Variants in GOSR1 observed in about 807,000 individuals in gnomAD.
GOSR1 encodes the protein 28 kDa Golgi SNARE protein.
GOSR1 carries 21 observed loss-of-function variants against 35.5 expected under a neutral mutation model. That is an observed-to-expected ratio of 0.59 (90% CI 0.42 to 0.85). The LOEUF (loss-of-function observed/expected upper bound fraction) is 0.85. GOSR1 is among the 40% of genes least tolerant of loss of function. The pLI, the probability that GOSR1 is intolerant of heterozygous loss-of-function variation, is 0.00. For missense variants in GOSR1, 285 were observed against 309.6 expected (o/e 0.92, Z 0.60); for synonymous variants, 94 against 106.6 (o/e 0.88, Z 0.73).
At chr17:30,478,821 C>CTGGGATTA (rs1160999407) in intron 1 of GOSR1, 3 of 152,252 alleles carry the variant, frequency 2.0e-5, no homozygotes, top group African/African-American at 7.2e-5. Flanking sequence ...TCCCAAAGTG[C>CTGGGATTA]TGGGATTACA....
At chr17:30,521,343 C>T (rs1968027041) in intron 8 of GOSR1, among the ~76,000 whole-genome samples, 2 of 151,628 alleles carry the variant, frequency 1.3e-5, no homozygotes, top group East Asian at 1.9e-4. Context: ...CCACCATGCC[C>T]GGCTAATTTT....
At chr17:30,499,585 C>G (rs1207846054) in intron 6 of GOSR1, among the ~76,000 whole-genome samples, 1 of 152,226 alleles carries the variant, frequency 6.6e-6, no homozygotes, top group Non-Finnish European at 1.5e-5. Flanking sequence ...TCGTGATCCA[C>G]CCGCCTTGGC....
intron 8 of GOSR1, chr17:30,520,232 A>G (rs145383796): frequency 1.3e-4 from 54 of 428,890 alleles, no homozygotes; most frequent in Non-Finnish European, 3.7e-5. Flanking sequence ...GTTTCTTACT[A>G]CTAGATGTAG....
intron 7 of GOSR1, among the ~76,000 whole-genome samples, chr17:30,516,209 G>A (rs866027708): frequency 6.6e-6 from 1 of 152,096 alleles, no homozygotes; most frequent in Non-Finnish European, 1.5e-5. Flanking sequence ...GGTGGCTCAC[G>A]CCTGTAATCC....
chr17:30,486,794 G>A (rs557657115), intron 4 of GOSR1, among the ~76,000 whole-genome samples: 1 of 152,320 alleles, frequency 6.6e-6, no homozygotes, highest in African/African-American at 2.4e-5. Flanking sequence ...TGTAGGACTT[G>A]TATGTGCAGA....
Position 30,525,332 on chromosome 17 carries a change from T to C in GOSR1, c.*2954T>C, listed in dbSNP as rs1968165758. 6.6e-6 allele frequency: 1 copy of C among 152,248 alleles called. No homozygotes were observed. Among genetic ancestry groups the C allele is most frequent in the African/African-American group, 2.4e-5 (1 of 41,464 alleles). 9.4% of individuals were successfully genotyped at this position (152,248 alleles called of 1,614,324 possible). A position where few individuals can be genotyped will look rare whatever the true frequency, so the allele number is the denominator to read the frequency against. ...GGTGTGAAGGGCATTTGATATATTT[T>C]TCTTAACTATGGGGTTTATTTTTCT... is the stretch of plus-strand genomic sequence containing the variant. On this transcript the variant is annotated 3_prime_UTR_variant, in exon 9 of 9. Coordinates refer to ENST00000451249, the MANE Select transcript of GOSR1 (RefSeq NM_001007025.2).
chr17:30,489,061 G>T (rs571313776), intron 4 of GOSR1, among the ~76,000 whole-genome samples: 2 of 152,258 alleles, frequency 1.3e-5, no homozygotes, highest in East Asian at 3.9e-4. Context: ...CAAAGTGAAA[G>T]AAATAATAGA....
chr17:30,514,759 T>C (rs1332293206), intron 7 of GOSR1, among the ~76,000 whole-genome samples: 1 of 152,224 alleles, frequency 6.6e-6, no homozygotes, highest in East Asian at 1.9e-4. Flanking sequence ...GCCTTCTGAA[T>C]TGATCCTTTC....
At chr17:30,513,574 A>T (rs1403717425) in intron 7 of GOSR1, among the ~76,000 whole-genome samples, 2 of 152,214 alleles carry the variant, frequency 1.3e-5, no homozygotes, top group Non-Finnish European at 2.9e-5. Flanking sequence ...CAAGGAATAC[A>T]AAGTGCTTTG....
rs115579524 is a variant in GOSR1, at chr17:30,521,396, G to A, written c.623-858G>A. Among the ~76,000 whole-genome samples, 994 of 151,260 alleles carry A rather than the reference G, an allele frequency of 6.6e-3. 10 individuals are homozygous for A. The highest frequency in any genetic ancestry group is 0.023 in the African/African-American group (958 of 41,236). ...TGGGGTTTCACCATGTTGCCCAGGC[G>A]AGTCTCAAACTCCTAGGCTCAAGCA... On this transcript the variant is annotated intron_variant, in intron 8 of 8. Transcript: ENST00000451249.
At position 30,526,210 on chromosome 17, in the gene GOSR1, T is replaced by C. The variant is rs754337381; in HGVS notation, c.*3832T>C. 4.6e-5 allele frequency: 7 copies of C among 152,204 alleles called. No homozygotes were observed. Among genetic ancestry groups the C allele is most frequent in the Non-Finnish European group, 8.8e-5 (6 of 68,036 alleles). The allele number at this position is 152,204 out of a possible 1,614,324, so 9.4% of individuals were successfully genotyped here. On this transcript the variant is annotated 3_prime_UTR_variant, in exon 9 of 9. Transcript: ENST00000451249. The stretch of plus-strand genomic sequence containing the variant: ...GTCACAGCCAGGAGGTCAGAAGGAA[T>C]TTTCTACTTCTGGATCCAAATGTTA...
At chr17:30,513,021 G>C (rs564489874) in intron 7 of GOSR1, among the ~76,000 whole-genome samples, 52 of 151,904 alleles carry the variant, frequency 3.4e-4, no homozygotes, top group Non-Finnish European at 5.7e-4. Context: ...TTCAAAATAT[G>C]ATAGGCATTA....
intron 6 of GOSR1, among the ~76,000 whole-genome samples, chr17:30,497,831 G>A (rs1967054781): frequency 6.6e-6 from 1 of 152,198 alleles, no homozygotes; most frequent in African/African-American, 2.4e-5. Context: ...GGCCGAGGCA[G>A]GAGGATCACT....
intron 7 of GOSR1, chr17:30,519,626 T>C (rs1967953153): frequency 5.1e-6 from 1 of 197,654 alleles, no homozygotes; most frequent in Non-Finnish European, 1.0e-5. Context: ...TTTAAAGTTT[T>C]TAAACTTTAA....
At chr17:30,501,542 G>A (rs978010264) in intron 6 of GOSR1, among the ~76,000 whole-genome samples, 6 of 151,716 alleles carry the variant, frequency 4.0e-5, no homozygotes, top group South Asian at 2.1e-4. Context: ...TGTCACCCAG[G>A]CTGGAGTGCA....
In GOSR1 at chr17:30,484,781, G is replaced by A. The variant is rs1256727708; in HGVS notation, c.342+11G>A. The A allele has an allele frequency of 7.2e-6, 10 of 1,388,028 alleles. No homozygotes were observed. The highest frequency in any genetic ancestry group is 8.2e-6 in the Non-Finnish European group (8 of 974,044). The allele number at this position is 1,388,028 out of a possible 1,614,324, so 86.0% of individuals were successfully genotyped here. A position where few individuals can be genotyped will look rare whatever the true frequency, so the allele number is the denominator to read the frequency against. On this transcript the variant is annotated intron_variant, in intron 4 of 8. Transcript: ENST00000451249. ...AGAGACATATTGCAGGTAATATATT[G>A]GGCTCGAGATGTTTTCATTATCACA...
chr17:30,508,007 G>C (rs1381133860), intron 6 of GOSR1, among the ~76,000 whole-genome samples: 1 of 152,178 alleles, frequency 6.6e-6, no homozygotes, highest in Non-Finnish European at 1.5e-5. Context: ...GGGGCAAAAT[G>C]CTACCAAACA....
chr17:30,525,898 G>A lies in GOSR1; in HGVS notation c.*3520G>A, dbSNP rs761755930. ...TCAGATAGGTCTGACTAACCTCTCC[G>A]TGCTGCAGCCTATACTAAGGTGACC... On this transcript the variant is annotated 3_prime_UTR_variant, in exon 9 of 9. Transcript: ENST00000451249. 6.6e-6 allele frequency: 1 copy of A among 152,154 alleles called. No homozygotes were observed. Among genetic ancestry groups the A allele is most frequent in the Non-Finnish European group, 1.5e-5 (1 of 68,020 alleles). The allele number at this position is 152,154 out of a possible 1,614,324, so 9.4% of individuals were successfully genotyped here.
intron 4 of GOSR1, among the ~76,000 whole-genome samples, chr17:30,487,793 A>ATT: frequency 6.6e-6 from 1 of 151,854 alleles, no homozygotes; most frequent in Non-Finnish European, 1.5e-5. Flanking sequence ...CTTGAGACGG[A>ATT]GTCTCGCTCT....
Sources: gnomAD v4.1 joint callset for allele counts (sites outside exome capture counted in the v4.1 genomes callset) on GRCh38, gnomAD v4.1.1 for gene constraint, MANE v1.5 for transcripts, NCBI Gene and HGNC (gene_info 2026-07-23, HGNC 2026-07-21) for gene names.